CCDC171: variants seen among roughly 807,000 people sequenced by gnomAD.
CCDC171 encodes the protein coiled-coil domain-containing protein 171.
A neutral mutation model predicts 168.2 loss-of-function variants in CCDC171; 177 were observed. The observed-to-expected ratio is 1.05, with a 90% confidence interval of 0.93 to 1.19. CCDC171 has a LOEUF of 1.19. Among genes scored for constraint, CCDC171 ranks in the 50% most tolerant of loss-of-function variants. CCDC171 has a pLI of 0.00. For synonymous variants in CCDC171, 687 were observed against 540.8 expected, an observed-to-expected ratio of 1.27 and a Z score of -3.75; for missense variants, 1,991 against 1,539.0, an observed-to-expected ratio of 1.29 and a Z score of -4.91.
At chr9:15,926,003 C>T (rs1018236219) in intron 25 of CCDC171, among the ~76,000 whole-genome samples, 1 of 151,596 alleles carries the variant, frequency 6.6e-6, no homozygotes, top group African/African-American at 2.4e-5. Flanking sequence ...CATGCTCTGC[C>T]CTTGTGAGTT....
chr9:15,919,335 A>T (rs750260168), intron 24 of CCDC171, among the ~76,000 whole-genome samples: 6 of 151,664 alleles, frequency 4.0e-5, no homozygotes, highest in Non-Finnish European at 5.9e-5. Flanking sequence ...ACATGCATTC[A>T]CAACTGCTCA....
At chr9:16,058,895 G>T (rs1307065160) in intron 1 of CCDC171, among the ~76,000 whole-genome samples, 1 of 152,226 alleles carries the variant, frequency 6.6e-6, no homozygotes. Context: ...AATTCTTTTT[G>T]TTCAGGTTGT....
In CCDC171 at chr9:15,727,851, C is replaced by A; in HGVS notation, c.1693-18C>A. On this transcript the variant is annotated intron_variant, in intron 14 of 25. Transcript: ENST00000380701. ...TGTTTATATACAGCAATTAATTTTT[C>A]TTTTTTTTTTCCTGCAGGAGAAGCT... 1 of 1,362,194 alleles carries A rather than the reference C, an allele frequency of 7.3e-7. No individual in the cohort carries two copies. The highest frequency in any genetic ancestry group is 1.0e-6 in the Non-Finnish European group (1 of 1,000,360). 84.4% of individuals were successfully genotyped at this position (1,362,194 alleles called of 1,614,324 possible).
intron 12 of CCDC171, among the ~76,000 whole-genome samples, chr9:15,722,397 G>T (rs2053541585): frequency 6.6e-6 from 1 of 152,164 alleles, no homozygotes; most frequent in African/African-American, 2.4e-5. Context: ...GGAGCTTTTA[G>T]TTTGCTGATT....
intron 7 of CCDC171, among the ~76,000 whole-genome samples, chr9:15,647,345 C>G (rs201430381): frequency 9.2e-5 from 14 of 151,984 alleles, no homozygotes; most frequent in African/African-American, 1.5e-4. Flanking sequence ...AAAAGAATTA[C>G]AGAAGCAAGA....
At chr9:15,649,926 G>C (rs1587731355) in intron 7 of CCDC171, among the ~76,000 whole-genome samples, 1 of 152,170 alleles carries the variant, frequency 6.6e-6, no homozygotes, top group Non-Finnish European at 1.5e-5. Context: ...TATAAATCAT[G>C]CTGCTATAAA....
chr9:15,886,874 A>G (rs1819496384), intron 24 of CCDC171: 1 of 152,174 alleles, frequency 6.6e-6, no homozygotes, highest in African/African-American at 2.4e-5. Context: ...GCTAAGCGAA[A>G]TAAGCCAGAC....
At chr9:15,661,096 C>T (rs930856909) in intron 8 of CCDC171, among the ~76,000 whole-genome samples, 10 of 152,108 alleles carry the variant, frequency 6.6e-5, no homozygotes, top group South Asian at 6.2e-4. Flanking sequence ...CTGGCTAACA[C>T]GGGGAAACCC....
chr9:15,653,043 G>C lies in CCDC171; in HGVS notation c.823-4084G>C, dbSNP rs1447356341. 3.3e-5 allele frequency among the ~76,000 whole-genome samples: 5 copies of C among 152,176 alleles called. No homozygotes were observed. The East Asian group carries it at 7.7e-4, about 23-fold the overall frequency. ...CACGTCAGCAATATATGTAGGAATA[G>C]TTTGAGTTAAACTCCCACTTCCCAT... On this transcript the variant is annotated intron_variant, in intron 7 of 25. Transcript: ENST00000380701.
chr9:15,905,185 A>G (rs1375237585), intron 24 of CCDC171, among the ~76,000 whole-genome samples: 2 of 152,148 alleles, frequency 1.3e-5, no homozygotes, highest in Non-Finnish European at 2.9e-5. Flanking sequence ...ATAGACATCT[A>G]CAGAACTCTC....
intron 21 of CCDC171, among the ~76,000 whole-genome samples, chr9:15,828,068 A>G (rs1308992217): frequency 1.3e-5 from 2 of 152,202 alleles, no homozygotes; most frequent in East Asian, 3.8e-4. Context: ...AATATTTTAC[A>G]CTGTAAGATT....
chr9:15,906,655 G>A (rs1425681627), intron 24 of CCDC171, among the ~76,000 whole-genome samples: 1 of 150,758 alleles, frequency 6.6e-6, no homozygotes, highest in East Asian at 2.0e-4. Context: ...TCAACATAGT[G>A]TTGGAAGTTC....
At chr9:15,650,637 T>C (rs571527349) in intron 7 of CCDC171, among the ~76,000 whole-genome samples, 1 of 152,318 alleles carries the variant, frequency 6.6e-6, no homozygotes, top group East Asian at 1.9e-4. Context: ...GATATATGAT[T>C]TGTAAGTATT....
intron 25 of CCDC171, among the ~76,000 whole-genome samples, chr9:15,948,139 T>C (rs980900057): frequency 1.3e-5 from 2 of 151,706 alleles, no homozygotes; most frequent in African/African-American, 4.8e-5. Context: ...TCCATGTCCC[T>C]ACAAAGGACA....
chr9:15,802,845 A>T (rs1487857069), intron 21 of CCDC171, among the ~76,000 whole-genome samples: 1 of 152,096 alleles, frequency 6.6e-6, no homozygotes, highest in Non-Finnish European at 1.5e-5. Flanking sequence ...TGTCTTCCAC[A>T]TGGTCAAACT....
chr9:15,909,304 T>G (rs1004952151), intron 24 of CCDC171, among the ~76,000 whole-genome samples: 10 of 152,178 alleles, frequency 6.6e-5, no homozygotes, highest in Admixed American at 2.6e-4. Context: ...AAATTTTGTT[T>G]GTGATCCTTT....
chr9:15,657,664 A>T (rs1213516618), intron 8 of CCDC171, among the ~76,000 whole-genome samples: 1 of 152,208 alleles, frequency 6.6e-6, no homozygotes, highest in Non-Finnish European at 1.5e-5. Context: ...AGGTGTAAAG[A>T]TGAATGAGCT....
At chr9:15,623,795 A>C (rs2132091637) in intron 7 of CCDC171, among the ~76,000 whole-genome samples, 1 of 152,310 alleles carries the variant, frequency 6.6e-6, no homozygotes. Context: ...GTAATTTTAC[A>C]TTTTAATTTT....
chr9:15,717,553 A>G (rs1001743876), intron 11 of CCDC171, among the ~76,000 whole-genome samples: 2 of 152,240 alleles, frequency 1.3e-5, no homozygotes, highest in Non-Finnish European at 2.9e-5. Flanking sequence ...CAGGCAGCAC[A>G]GCTCACAGCT....
Sources: gnomAD v4.1 joint callset for allele counts (sites outside exome capture counted in the v4.1 genomes callset) on GRCh38, gnomAD v4.1.1 for gene constraint, MANE v1.5 for transcripts, NCBI Gene and HGNC (gene_info 2026-07-23, HGNC 2026-07-21) for gene names.